Variants in FMN1 observed in about 807,000 individuals in gnomAD.
FMN1 encodes formin 1, also known as formin-1.
In FMN1, 110 loss-of-function variants were observed where a neutral mutation model predicts 132.4. The observed-to-expected ratio is 0.83, with a 90% CI of 0.71 to 0.97. The LOEUF is 0.97. FMN1 is among the 50% of genes least tolerant of loss of function. The pLI, the probability that FMN1 is intolerant of heterozygous loss-of-function variation, is 0.00. For synonymous variants in FMN1, 722 were observed against 651.7 expected, an observed-to-expected ratio of 1.11 and a Z score of -1.64; for missense variants, 1,792 against 1,705.3, an observed-to-expected ratio of 1.05 and a Z score of -0.90.
At chr15:33,081,943 A>C (rs190990796) in intron 5 of FMN1, among the ~76,000 whole-genome samples, 202 of 152,290 alleles carry the variant, frequency 1.3e-3, no homozygotes, top group Non-Finnish European at 1.1e-3. Flanking sequence ...AATTCAGTAA[A>C]AAGTATGCAG....
intron 6 of FMN1, among the ~76,000 whole-genome samples, chr15:33,048,935 T>C (rs1051701089): frequency 6.6e-6 from 1 of 152,162 alleles, no homozygotes; most frequent in African/African-American, 2.4e-5. Context: ...CCAAACTGTA[T>C]CAGGAAAGTA....
chr15:33,008,998 A>G (rs2034564654), intron 6 of FMN1, among the ~76,000 whole-genome samples: 1 of 152,236 alleles, frequency 6.6e-6, no homozygotes, highest in African/African-American at 2.4e-5. Context: ...TAAATCAGGC[A>G]TGAAAGTTTG....
At chr15:33,044,103 G>A (rs1313347475) in intron 6 of FMN1, among the ~76,000 whole-genome samples, 1 of 152,204 alleles carries the variant, frequency 6.6e-6, no homozygotes, top group African/African-American at 2.4e-5. Context: ...ACACATTCAG[G>A]GCAGTGCTGA....
intron 4 of FMN1, among the ~76,000 whole-genome samples, chr15:33,122,370 C>A (rs1163919415): frequency 6.6e-6 from 1 of 152,170 alleles, no homozygotes; most frequent in Non-Finnish European, 1.5e-5. Flanking sequence ...ATGTATTAAA[C>A]AATTTTCTCC....
intron 6 of FMN1, among the ~76,000 whole-genome samples, chr15:33,033,468 C>A (rs995366186): frequency 1.3e-5 from 2 of 152,150 alleles, no homozygotes; most frequent in Non-Finnish European, 2.9e-5. Context: ...TCAAACCCAA[C>A]CCCTTTCTTA....
At chr15:32,822,947 A>G (rs1299598170) in intron 17 of FMN1, among the ~76,000 whole-genome samples, 1 of 152,054 alleles carries the variant, frequency 6.6e-6, no homozygotes, top group Non-Finnish European at 1.5e-5. Context: ...CACGGAACCA[A>G]TCTTGCTAGT....
chr15:33,081,419 T>C (rs988742840), intron 5 of FMN1, among the ~76,000 whole-genome samples: 1 of 152,194 alleles, frequency 6.6e-6, no homozygotes, highest in Non-Finnish European at 1.5e-5. Flanking sequence ...ATCACCTCAA[T>C]CACCATTAAT....
Position 32,926,356 on chromosome 15 carries a change from C to T in FMN1, c.3139-95G>A, listed in dbSNP as rs928583128. Reference sequence around the variant, plus strand: ...AAAACATTAAATTTTTTTAGATACACTGATTGATGAACTAAATTGATGCTG... The same window carrying T: ...AAAACATTAAATTTTTTTAGATACATTGATTGATGAACTAAATTGATGCTG... On this transcript the variant is annotated intron_variant, in intron 9 of 20. Coordinates refer to ENST00000616417, the MANE Select transcript of FMN1 (RefSeq NM_001277313.2). 28 of 650,880 alleles carry T rather than the reference C, an allele frequency of 4.3e-5. No homozygotes were observed. In the African/African-American group the frequency reaches 4.5e-4, roughly 11 times the overall value. The allele number at this position is 650,880 out of a possible 1,614,324, so 40.3% of individuals were successfully genotyped here.
chr15:32,981,518 AAATAATAAT>A (rs34776483), intron 7 of FMN1, among the ~76,000 whole-genome samples: 2 of 140,634 alleles, frequency 1.4e-5, no homozygotes, highest in African/African-American at 2.7e-5. Flanking sequence ...ACTCCATCTC[AAATAATAAT>A]AATAATAATA....
At chr15:33,085,532 A>G (rs1395254033) in intron 5 of FMN1, among the ~76,000 whole-genome samples, 1 of 149,876 alleles carries the variant, frequency 6.7e-6, no homozygotes, top group Non-Finnish European at 1.5e-5. Flanking sequence ...TATCACATGT[A>G]TTTATACATA....
intron 9 of FMN1, among the ~76,000 whole-genome samples, chr15:32,928,946 T>A (rs1264379736): frequency 1.3e-5 from 2 of 152,218 alleles, no homozygotes; most frequent in Non-Finnish European, 2.9e-5. Context: ...ATATTGATTC[T>A]GTCTGTCCCT....
rs1327536983 is a variant in FMN1 at position 32,969,032 on chromosome 15, G to C, written c.2669C>G (p.Pro890Arg). Residue 890 changes from proline to arginine, a missense_variant, in exon 8 of 21, where the codon CCC becomes CGC. Around this residue, in one of 3 missense-constraint regions of FMN1, gnomAD observed 1,150 missense variants for 1,043.1 expected, o/e 1.10. Coordinates refer to ENST00000616417, the MANE Select transcript of FMN1 (RefSeq NM_001277313.2). Reference protein sequence around the residue: ...PLPSGLGSLSPAPPMPPVSAG... With the variant: ...PLPSGLGSLSRAPPMPPVSAG... Reference sequence around the variant, plus strand: ...ACTCACAGGTGGCATTGGAGGTGCGGGAGACAAAGATCCAAGTCCTGAGGG... The same window carrying C: ...ACTCACAGGTGGCATTGGAGGTGCGCGAGACAAAGATCCAAGTCCTGAGGG... 4.2e-6 allele frequency: 6 copies of C among 1,442,284 alleles called. No individual in the cohort carries two copies. The highest frequency in any genetic ancestry group is 5.7e-6 in the Non-Finnish European group (6 of 1,059,252). The allele number at this position is 1,442,284 out of a possible 1,614,324, so 89.3% of individuals were successfully genotyped here. A position where few individuals can be genotyped will look rare whatever the true frequency, so the allele number is the denominator to read the frequency against.
rs528382876 is a variant in FMN1 at position 33,106,419 on chromosome 15, G to C, written c.1868-17445C>G. Among the ~76,000 whole-genome samples, 29 of 151,848 alleles carry C rather than the reference G, an allele frequency of 1.9e-4. 1 individual carries two copies. Among genetic ancestry groups the C allele is most frequent in the African/African-American group, 6.5e-4 (27 of 41,434 alleles). On this transcript the variant is annotated intron_variant, in intron 4 of 20. Transcript: ENST00000616417. ...TCAATGTGTACATGATTCTACAAAAGTGTATAAACATCATTTAAATCTATT... is the reference window on the plus strand; with the variant it reads ...TCAATGTGTACATGATTCTACAAAACTGTATAAACATCATTTAAATCTATT...
rs537721494 is a variant in FMN1 at position 32,928,658 on chromosome 15, T to C, written c.3139-2397A>G. On this transcript the variant is annotated intron_variant, in intron 9 of 20. Transcript: ENST00000616417. ...GAAACGTTTTGGGAATTGACTAGAT[T>C]TATTCTTAAGTGTCCAGGATGGTGA... Among the ~76,000 whole-genome samples, 8 of 152,242 alleles carry C rather than the reference T, an allele frequency of 5.3e-5. No individual in the cohort carries two copies. In the South Asian group the frequency reaches 1.7e-3, roughly 32 times the overall value.
intron 9 of FMN1, among the ~76,000 whole-genome samples, chr15:32,944,197 G>A (rs1345459831): frequency 6.6e-6 from 1 of 152,192 alleles, no homozygotes; most frequent in Non-Finnish European, 1.5e-5. Flanking sequence ...TTGTTACTTG[G>A]CAGGTGCCCA....
At chr15:33,169,740 CTTT>C (rs57083437) in intron 3 of FMN1, among the ~76,000 whole-genome samples, 2 of 117,902 alleles carry the variant, frequency 1.7e-5, no homozygotes, top group Non-Finnish European at 3.5e-5. Flanking sequence ...TTTTCTTTTC[CTTT>C]TTTTTTTTTT....
chr15:32,933,427 A>T (rs759761512), intron 9 of FMN1, among the ~76,000 whole-genome samples: 5 of 152,184 alleles, frequency 3.3e-5, no homozygotes, highest in Non-Finnish European at 7.3e-5. Context: ...TGCACTTGAG[A>T]AGAATGTGTT....
chr15:33,190,090 AGTTGTAATTCTCACAG>A lies in FMN1; in HGVS notation c.-197+3803_-197+3818del, dbSNP rs1966023054. On this transcript the variant is annotated intron_variant, in intron 2 of 20. Coordinates refer to ENST00000616417, the MANE Select transcript of FMN1 (RefSeq NM_001277313.2). ...CATTTAAACATAACAATGTTTGCTC[AGTTGTAATTCTCACAG>A]AGGAGGAAGACCATTAAACACTGTG... 1.1e-4 allele frequency among the ~76,000 whole-genome samples: 17 copies of A among 152,350 alleles called. No homozygotes were observed. In the South Asian group the frequency reaches 3.3e-3, roughly 30 times the overall value.
intron 13 of FMN1, among the ~76,000 whole-genome samples, chr15:32,900,923 G>T (rs891256185): frequency 3.3e-5 from 5 of 152,154 alleles, no homozygotes; most frequent in African/African-American, 1.2e-4. Context: ...GGAGGCCGAG[G>T]CAGGTGGATT....
Sources: allele counts gnomAD v4.1 joint callset (sites outside exome capture counted in the v4.1 genomes callset), GRCh38; gene constraint gnomAD v4.1.1; regional missense constraint gnomAD v4.1.1; transcripts MANE v1.5; gene names NCBI Gene and HGNC (gene_info 2026-07-23, HGNC 2026-07-21).